EFTUD2: variants seen among roughly 807,000 people sequenced by gnomAD.
EFTUD2 encodes elongation factor Tu GTP binding domain containing 2, also known as 116 kDa U5 small nuclear ribonucleoprotein component.
EFTUD2 carries 9 observed loss-of-function variants against 114.3 expected under a neutral mutation model. The observed-to-expected ratio is 0.08, with a 90% CI of 0.05 to 0.14. The LOEUF (loss-of-function observed/expected upper bound fraction) is 0.14. Ranked by LOEUF, EFTUD2 falls within the 10% of genes least tolerant of loss-of-function variation. The pLI is 1.00. For synonymous variants in EFTUD2, 449 were observed against 462.3 expected (o/e 0.97, Z 0.37); for missense variants, 765 against 1,241.2 (o/e 0.62, Z 5.76).
intron 20 of EFTUD2, among the ~76,000 whole-genome samples, chr17:44,856,130 CAAAAAAAAAAAA>C (rs1045415785): frequency 0.011 from 413 of 37,388 alleles, 7 homozygotes; most frequent in African/African-American, 0.043. Flanking sequence ...GACCCTGTCT[CAAAAAAAAAAAA>C]AAAAAAAAAA....
intron 26 of EFTUD2, 130 bp downstream of exon 26, chr17:44,852,279 C>T: frequency 8.8e-7 from 1 of 1,137,870 alleles, no homozygotes. Flanking sequence ...TGAATATATG[C>T]TCCCCAGAGG....
At chr17:44,864,463 G>T (rs1228339321) in intron 14 of EFTUD2, among the ~76,000 whole-genome samples, 1 of 152,170 alleles carries the variant, frequency 6.6e-6, no homozygotes, top group African/African-American at 2.4e-5. Context: ...GCTGGCCCAG[G>T]GTCATCTCAT....
intron 15 of EFTUD2, 81 bp downstream of exon 15, chr17:44,863,574 T>C: frequency 2.6e-6 from 4 of 1,545,544 alleles, no homozygotes; most frequent in Non-Finnish European, 3.5e-6. Flanking sequence ...AAGTGGGCAT[T>C]ACTCCTGTGA....
intron 13 of EFTUD2, among the ~76,000 whole-genome samples, chr17:44,867,496 C>T (rs1913118937): frequency 1.3e-5 from 2 of 151,886 alleles, no homozygotes; most frequent in Admixed American, 1.3e-4. Flanking sequence ...GACGGGGTTT[C>T]ATCGTGTTGC....
chr17:44,868,163 T>C, intron 12 of EFTUD2, 124 bp downstream of exon 12: 1 of 929,562 alleles, frequency 1.1e-6, no homozygotes. Context: ...GGAAAGACGG[T>C]AGTTTACATT....
Position 44,860,595 on chromosome 17 carries a change from A to ATTT in EFTUD2, c.1608-55_1608-53dup, listed in dbSNP as rs34404174. On this transcript the variant is annotated intron_variant, in intron 16 of 27. Transcript: ENST00000426333. ...TGAAACTTAGGCAGAGCATTCCCTA[A>ATTT]TTTTTTTTTTTTTTTTTTTTTTGAG... 1,442 of 670,034 alleles carry ATTT rather than the reference A, an allele frequency of 2.2e-3. 1 individual carries two copies. The highest frequency in any genetic ancestry group is 2.8e-3 in the South Asian group (145 of 51,284). 41.5% of individuals were successfully genotyped at this position (670,034 alleles called of 1,614,324 possible). A position where few individuals can be genotyped will look rare whatever the true frequency, so the allele number is the denominator to read the frequency against.
chr17:44,860,103 C>T lies in EFTUD2; in HGVS notation c.1720-58G>A, dbSNP rs1375795503. Reference sequence around the variant, plus strand: ...CTGGCATGAGCAGGCACAGAAAGTGCAGAGGTATGAGAAGAGAAGAGGACT... The same window carrying T: ...CTGGCATGAGCAGGCACAGAAAGTGTAGAGGTATGAGAAGAGAAGAGGACT... On this transcript the variant is annotated intron_variant, in intron 17 of 27. Coordinates refer to ENST00000426333, the MANE Select transcript of EFTUD2 (RefSeq NM_004247.4). 4 of 1,612,102 alleles carry T rather than the reference C, an allele frequency of 2.5e-6. No homozygotes were observed. The African/African-American group carries it at 5.3e-5, about 22-fold the overall frequency.
chr17:44,867,679 C>A (rs1482169165), intron 13 of EFTUD2, 128 bp downstream of exon 13: 5 of 677,280 alleles, frequency 7.4e-6, no homozygotes, highest in Non-Finnish European at 1.1e-5. Flanking sequence ...CAATTAGTGA[C>A]CAACAACCAC....
chr17:44,852,481 A>G lies in EFTUD2; in HGVS notation c.2643T>C (p.Phe881=). 1 of 1,614,168 alleles carries G rather than the reference A, an allele frequency of 6.2e-7. No individual in the cohort carries two copies. Among genetic ancestry groups the G allele is most frequent in the Non-Finnish European group, 8.5e-7 (1 of 1,180,024 alleles). The change falls in exon 26 of 28, where the codon TTT becomes TTC. Residue 881 remains phenylalanine (F), a synonymous_variant. Coordinates refer to ENST00000426333, the MANE Select transcript of EFTUD2 (RefSeq NM_004247.4). Reference sequence around the variant, plus strand: ...GAGTCCGGAGATCAGTCTCAAAGCCAAAAGAGTCGATGGCCGGGATAAAAG... The same window carrying G: ...GAGTCCGGAGATCAGTCTCAAAGCCGAAAGAGTCGATGGCCGGGATAAAAG... ...IKAFIPAIDS[F]GFETDLRTHT...
intron 1 of EFTUD2, among the ~76,000 whole-genome samples, chr17:44,896,166 T>C (rs1391981022): frequency 6.6e-6 from 1 of 152,222 alleles, no homozygotes; most frequent in African/African-American, 2.4e-5. Context: ...CATTGTAAAG[T>C]TACTCATTTT....
intron 11 of EFTUD2, among the ~76,000 whole-genome samples, chr17:44,868,644 G>A (rs779544470): frequency 2.0e-5 from 3 of 152,166 alleles, no homozygotes; most frequent in East Asian, 1.9e-4. Context: ...GTTTTCCTTC[G>A]ATGGAACAGG....
intron 13 of EFTUD2, 129 bp downstream of exon 13, chr17:44,867,678 A>T (rs189415295): frequency 1.4e-5 from 9 of 655,250 alleles, no homozygotes; most frequent in Non-Finnish European, 2.3e-6. Context: ...ACAATTAGTG[A>T]CCAACAACCA....
At chr17:44,891,041 C>G (rs768174733) in intron 2 of EFTUD2, among the ~76,000 whole-genome samples, 4 of 152,008 alleles carry the variant, frequency 2.6e-5, no homozygotes, top group Non-Finnish European at 4.4e-5. Flanking sequence ...CAGGGCAAAC[C>G]GAGTAGCAGT....
At position 44,850,305 on chromosome 17, in the gene EFTUD2, G is replaced by A. The variant is rs1401128190; in HGVS notation, c.*969C>T. 25 of 1,594,324 alleles carry A rather than the reference G, an allele frequency of 1.6e-5. No individual in the cohort carries two copies. The highest frequency in any genetic ancestry group is 2.0e-5 in the Non-Finnish European group (23 of 1,166,070). Reference sequence around the variant, plus strand: ...GACGGGTGAAGGGTTTGATGCCAAGGGGCATTATTTCTTTTCTCTCACACA... The same window carrying A: ...GACGGGTGAAGGGTTTGATGCCAAGAGGCATTATTTCTTTTCTCTCACACA... On this transcript the variant is annotated 3_prime_UTR_variant, in exon 28 of 28. Coordinates refer to ENST00000426333, the MANE Select transcript of EFTUD2 (RefSeq NM_004247.4).
intron 13 of EFTUD2, among the ~76,000 whole-genome samples, chr17:44,866,008 C>T (rs1222477603): frequency 6.6e-6 from 1 of 152,144 alleles, no homozygotes; most frequent in Non-Finnish European, 1.5e-5. Flanking sequence ...AAGGGTTTAG[C>T]CATGTTGTCC....
At chr17:44,872,622 C>T in intron 10 of EFTUD2, 52 bp from the exon 11 acceptor site, 1 of 1,534,228 alleles carries the variant, frequency 6.5e-7, no homozygotes, top group Non-Finnish European at 8.8e-7. Context: ...AGCCCGGACG[C>T]ACTGCCAAGG....
Position 44,894,543 on chromosome 17 carries a change from AAG to A in EFTUD2, c.-4-20_-4-19del. 6.3e-7 allele frequency: 1 copy of A among 1,588,296 alleles called. No individual in the cohort carries two copies. Among genetic ancestry groups the A allele is most frequent in the South Asian group, 1.1e-5 (1 of 90,548 alleles). ...CCATGATGCTAAAATTCAAGGAGAG[AAG>A]AGTTAGATTCTGACAAGGTAATCAA... On this transcript the variant is annotated intron_variant, in intron 1 of 27. Coordinates refer to ENST00000426333, the MANE Select transcript of EFTUD2 (RefSeq NM_004247.4).
chr17:44,851,508 G>A lies in EFTUD2; in HGVS notation c.2824-139C>T, dbSNP rs1028413559. 2.6e-5 allele frequency: 23 copies of A among 885,348 alleles called. No individual in the cohort carries two copies. The East Asian group carries it at 6.0e-4, about 23-fold the overall frequency. 54.8% of individuals were successfully genotyped at this position (885,348 alleles called of 1,614,324 possible). A position where few individuals can be genotyped will look rare whatever the true frequency, so the allele number is the denominator to read the frequency against. On this transcript the variant is annotated intron_variant, in intron 27 of 27. Coordinates refer to ENST00000426333, the MANE Select transcript of EFTUD2 (RefSeq NM_004247.4). ...TGGTGTTTCAGGAGCCCTGCCTTTA[G>A]GGTACTATCACATGGGAGGATAAGG... is the stretch of plus-strand genomic sequence containing the variant.
At chr17:44,883,929 A>G (rs2051118579) in intron 4 of EFTUD2, 1 of 587,556 alleles carries the variant, frequency 1.7e-6, no homozygotes, top group African/African-American at 1.9e-5. Flanking sequence ...CAATCTGTGA[A>G]TGGACTATCA....
Sources: allele counts gnomAD v4.1 joint callset (sites outside exome capture counted in the v4.1 genomes callset), GRCh38; gene constraint gnomAD v4.1.1; transcripts MANE v1.5; gene names NCBI Gene and HGNC (gene_info 2026-07-23, HGNC 2026-07-21).